The following GLIS1 variants were observed in gnomAD, a reference collection of about 807,000 sequenced individuals.
The protein encoded by GLIS1 is GLIS family zinc finger 1.
GLIS1 carries 24 observed loss-of-function variants against 63.8 expected under a neutral mutation model. That is an observed-to-expected ratio of 0.38 (90% CI 0.27 to 0.53). The LOEUF (loss-of-function observed/expected upper bound fraction) is 0.53, where lower values mean the gene tolerates loss of function less well. Among genes scored for constraint, GLIS1 ranks in the 20% least tolerant of loss-of-function variants. The probability of loss-of-function intolerance (pLI) is 0.85; values close to 1 mark genes in which losing one functional copy is unlikely to be tolerated. For synonymous variants in GLIS1, 450 were observed against 482.5 expected (o/e 0.93, Z 0.88); for missense variants, 1,036 against 1,074.1 (o/e 0.96, Z 0.50).
At chr1:53,642,520 A>G (rs1298643657) in intron 2 of GLIS1, among the ~76,000 whole-genome samples, 2 of 152,148 alleles carry the variant, frequency 1.3e-5, no homozygotes, top group Non-Finnish European at 2.9e-5. Flanking sequence ...GACTTTACAG[A>G]AGGTTTGTTC....
intron 2 of GLIS1, among the ~76,000 whole-genome samples, chr1:53,663,210 C>G (rs947015043): frequency 6.6e-6 from 1 of 152,204 alleles, no homozygotes; most frequent in Non-Finnish European, 1.5e-5. Context: ...GGCCTGCCTC[C>G]CACAGCCAGG....
chr1:53,652,375 C>T (rs143092497), intron 2 of GLIS1, among the ~76,000 whole-genome samples: 10 of 152,242 alleles, frequency 6.6e-5, no homozygotes, highest in Admixed American at 6.5e-5. Context: ...GCTTAGATCT[C>T]AGGCCCAGGG....
intron 2 of GLIS1, among the ~76,000 whole-genome samples, chr1:53,695,384 C>A (rs1016388112): frequency 6.6e-6 from 1 of 152,120 alleles, no homozygotes; most frequent in African/African-American, 2.4e-5. Context: ...AAGCAGAGGT[C>A]AAGGGGAGTC....
At chr1:53,595,910 A>C (rs1384634879) in intron 3 of GLIS1, among the ~76,000 whole-genome samples, 3 of 152,136 alleles carry the variant, frequency 2.0e-5, no homozygotes, top group Non-Finnish European at 4.4e-5. Context: ...TCACAATGTG[A>C]CTGCATGAAA....
intron 2 of GLIS1, among the ~76,000 whole-genome samples, chr1:53,725,897 C>G (rs1646800631): frequency 6.6e-6 from 1 of 152,162 alleles, no homozygotes; most frequent in Non-Finnish European, 1.5e-5. Context: ...AAGAACTTCC[C>G]AAGAAGCCCC....
chr1:53,643,676 C>A (rs553313785), intron 2 of GLIS1, among the ~76,000 whole-genome samples: 3 of 152,326 alleles, frequency 2.0e-5, no homozygotes, highest in African/African-American at 7.2e-5. Context: ...ACTTTCCACA[C>A]CACGAACATG....
At chr1:53,662,642 A>AT (rs1341348153) in intron 2 of GLIS1, among the ~76,000 whole-genome samples, 5 of 152,154 alleles carry the variant, frequency 3.3e-5, no homozygotes, top group Non-Finnish European at 7.4e-5. Context: ...AGCCAACTCC[A>AT]TAAGGGCTGC....
At chr1:53,729,871 G>A (rs577996380) in intron 2 of GLIS1, among the ~76,000 whole-genome samples, 3 of 152,254 alleles carry the variant, frequency 2.0e-5, no homozygotes, top group Non-Finnish European at 2.9e-5. Flanking sequence ...TTTGTTTCGC[G>A]CTGGAAATGC....
At chr1:53,731,448 C>T (rs1204804826) in intron 2 of GLIS1, among the ~76,000 whole-genome samples, 12 of 152,178 alleles carry the variant, frequency 7.9e-5, no homozygotes, top group Non-Finnish European at 1.6e-4. Flanking sequence ...CTTGGGGGCG[C>T]GCAGCTCTCT....
rs555101142 is a variant in GLIS1 at position 53,509,090 on chromosome 1, A to G, written c.2230+30T>C. 13 of 1,530,542 alleles carry G rather than the reference A, an allele frequency of 8.5e-6. No individual in the cohort carries two copies. In the Admixed American group the frequency reaches 2.5e-4, roughly 29 times the overall value. The allele number at this position is 1,530,542 out of a possible 1,614,324, so 94.8% of individuals were successfully genotyped here. On this transcript the variant is annotated intron_variant, in intron 10 of 10. Coordinates refer to ENST00000628545, the MANE Select transcript of GLIS1 (RefSeq NM_001367484.1). ...CTGGGTTGAGCCTCGGCAGGTGCCC[A>G]GGACTGGGAGCCACGCAGGCAGGGC...
chr1:53,641,850 C>T (rs1645790970), intron 2 of GLIS1, among the ~76,000 whole-genome samples: 1 of 152,246 alleles, frequency 6.6e-6, no homozygotes, highest in African/African-American at 2.4e-5. Flanking sequence ...TCACTGGGTG[C>T]TCTGTGCTGG....
At chr1:53,626,378 A>G (rs1645594095) in intron 2 of GLIS1, among the ~76,000 whole-genome samples, 1 of 151,966 alleles carries the variant, frequency 6.6e-6, no homozygotes, top group African/African-American at 2.4e-5. Context: ...GCACACTGCC[A>G]CCTCATCTCA....
chr1:53,592,878 C>G (rs774845841), intron 4 of GLIS1, among the ~76,000 whole-genome samples: 1 of 152,262 alleles, frequency 6.6e-6, no homozygotes, highest in Non-Finnish European at 1.5e-5. Flanking sequence ...AGATCCTGTC[C>G]GACGCCCAGC....
At chr1:53,651,874 A>C (rs1287616092) in intron 2 of GLIS1, among the ~76,000 whole-genome samples, 1 of 94,570 alleles carries the variant, frequency 1.1e-5, no homozygotes, top group Admixed American at 9.7e-5. Flanking sequence ...ATCTTGTCTC[A>C]AAAAAAAAAA....
At chr1:53,714,692 CCTG>C (rs994758394) in intron 2 of GLIS1, among the ~76,000 whole-genome samples, 1 of 152,188 alleles carries the variant, frequency 6.6e-6, no homozygotes, top group Non-Finnish European at 1.5e-5. Context: ...TGTGCCAGGC[CCTG>C]TACTGAGATG....
chr1:53,719,478 G>A (rs569272741), intron 2 of GLIS1, among the ~76,000 whole-genome samples: 2 of 152,312 alleles, frequency 1.3e-5, no homozygotes, highest in East Asian at 3.9e-4. Flanking sequence ...CTCAAAATCA[G>A]AGTTTACACA....
intron 4 of GLIS1, among the ~76,000 whole-genome samples, chr1:53,578,329 A>C (rs1330338503): frequency 1.3e-5 from 2 of 152,210 alleles, no homozygotes; most frequent in Non-Finnish European, 2.9e-5. Flanking sequence ...CACCACACAG[A>C]CTAGGACCTA....
chr1:53,569,966 T>A lies in GLIS1; in HGVS notation c.1320+24142A>T, dbSNP rs1393706900. Reference sequence around the variant, plus strand: ...CATGTTTATGAACAATAAGAATTAATAATCATATAAAGAGGTCCTATTCCC... The same window carrying A: ...CATGTTTATGAACAATAAGAATTAAAAATCATATAAAGAGGTCCTATTCCC... On this transcript the variant is annotated intron_variant, in intron 4 of 10. Coordinates refer to ENST00000628545, the MANE Select transcript of GLIS1 (RefSeq NM_001367484.1). Among the ~76,000 whole-genome samples the A allele has an allele frequency of 2.0e-5, 3 of 152,218 alleles. No homozygotes were observed. The East Asian group carries it at 5.8e-4, about 29-fold the overall frequency.
At chr1:53,551,508 C>T (rs1332563179) in intron 4 of GLIS1, among the ~76,000 whole-genome samples, 3 of 152,178 alleles carry the variant, frequency 2.0e-5, no homozygotes, top group African/African-American at 7.2e-5. Flanking sequence ...AGGGTAACCA[C>T]CTCTGTCCTG....
Sources: allele counts gnomAD v4.1 joint callset (sites outside exome capture counted in the v4.1 genomes callset), GRCh38; gene constraint gnomAD v4.1.1; transcripts MANE v1.5; gene names NCBI Gene and HGNC (gene_info 2026-07-23, HGNC 2026-07-21).